The following ERN2 variants were observed in gnomAD, a reference collection of about 807,000 sequenced individuals.
The protein encoded by ERN2 is endoplasmic reticulum to nucleus signaling 2, also known as serine/threonine-protein kinase/endoribonuclease IRE2.
In ERN2, 111 loss-of-function variants were observed where a neutral mutation model predicts 107.9. The observed-to-expected ratio is 1.03, with a 90% CI of 0.88 to 1.20. The LOEUF (loss-of-function observed/expected upper bound fraction) is 1.20, where lower values mean the gene tolerates loss of function less well. ERN2 is among the 50% of genes most tolerant of loss of function. The pLI is 0.00. For missense variants in ERN2, 1,225 were observed against 1,197.9 expected (o/e 1.02, Z -0.33); for synonymous variants, 524 against 501.7 (o/e 1.04, Z -0.59).
Position 23,695,715 on chromosome 16 carries a change from C to T in ERN2, c.1610+179G>A, listed in dbSNP as rs556694475. 3.6e-4 allele frequency among the ~76,000 whole-genome samples: 31 copies of T among 86,208 alleles called. No homozygotes were observed. The South Asian group carries it at 0.011, about 31-fold the overall frequency. 56.6% of individuals were successfully genotyped at this position (86,208 alleles called of 152,430 possible). A position where few individuals can be genotyped will look rare whatever the true frequency, so the allele number is the denominator to read the frequency against. On this transcript the variant is annotated intron_variant, in intron 14 of 21. Transcript: ENST00000256797. ...CTGCCCTCCAGCCTGGGCAACAGAG[C>T]AAGACTCAAAAAAAAAAAAAAAAAA...
At chr16:23,712,991 G>A in intron 1 of ERN2, 104 bp downstream of exon 1, 1 of 843,388 alleles carries the variant, frequency 1.2e-6, no homozygotes, top group South Asian at 1.9e-5. Flanking sequence ...GAGGGAGGGA[G>A]AGGTGCCCCC....
In ERN2 at chr16:23,706,857, C is replaced by T; in HGVS notation, c.384G>A (p.Arg128=). The change falls in exon 6 of 22, where the codon CGG becomes CGA. Residue 128 remains arginine, a synonymous_variant. Transcript: ENST00000256797. The part of the protein sequence containing the change: ...RSSDGVFYTG[R]KQDAWFVVDP... Reference sequence around the variant, plus strand: ...CCACCACAAACCAGGCATCCTGCTTCCGGCCTGTGGAGGTGGAAAGTGTGT... The same window carrying T: ...CCACCACAAACCAGGCATCCTGCTTTCGGCCTGTGGAGGTGGAAAGTGTGT... 6.2e-7 allele frequency: 1 copy of T among 1,613,600 alleles called. No homozygotes were observed.
chr16:23,708,151 C>A (rs1420485721), intron 4 of ERN2, among the ~76,000 whole-genome samples: 1 of 152,092 alleles, frequency 6.6e-6, no homozygotes, highest in Non-Finnish European at 1.5e-5. Flanking sequence ...GCTGTGGTAG[C>A]TGCTCCCTCC....
chr16:23,699,544 C>T (rs1173356606), intron 13 of ERN2, among the ~76,000 whole-genome samples: 2 of 152,138 alleles, frequency 1.3e-5, no homozygotes, highest in Non-Finnish European at 2.9e-5. Context: ...CTGCCTTAGC[C>T]TTCTGAGTAG....
chr16:23,711,382 G>C (rs1048113624), intron 1 of ERN2, among the ~76,000 whole-genome samples: 7 of 152,090 alleles, frequency 4.6e-5, no homozygotes, highest in African/African-American at 1.7e-4. Context: ...TATAAGACAG[G>C]GTCTTGCTCT....
chr16:23,701,019 C>G lies in ERN2; in HGVS notation c.1299G>C (p.Leu433=). 1 of 1,614,188 alleles carries G rather than the reference C, an allele frequency of 6.2e-7. No individual in the cohort carries two copies. Among genetic ancestry groups the G allele is most frequent in the African/African-American group, 1.3e-5 (1 of 75,058 alleles). The stretch of plus-strand genomic sequence containing the variant: ...GGACAGCAGTGAGGCTAGCTGCCAG[C>G]AGGTCTTGGGGTCCCAGCCCCAAGT... ...DSYLGLGPQD[L]LAASLTAVLL... Residue 433 remains leucine, a synonymous_variant, in exon 12 of 22, where the codon CTG becomes CTC. Coordinates refer to ENST00000256797, the MANE Select transcript of ERN2 (RefSeq NM_033266.4).
intron 13 of ERN2, 119 bp from the exon 14 acceptor site, chr16:23,696,097 C>A: frequency 2.7e-6 from 2 of 728,660 alleles, no homozygotes; most frequent in African/African-American, 1.7e-5. Context: ...CAGCCTGGTG[C>A]AGTGGGTAAG....
intron 6 of ERN2, 104 bp downstream of exon 6, chr16:23,706,650 C>T: frequency 1.2e-6 from 1 of 857,556 alleles, no homozygotes; most frequent in Non-Finnish European, 1.9e-6. Flanking sequence ...TGATGACTAA[C>T]AGACTGACTG....
At chr16:23,712,855 C>G (rs1459336273) in intron 1 of ERN2, 16 of 500,552 alleles carry the variant, frequency 3.2e-5, no homozygotes, top group Non-Finnish European at 4.9e-5. Context: ...GCGGGGTGCT[C>G]TGTCTACTCT....
chr16:23,695,707 C>A (rs1361583899), intron 14 of ERN2, among the ~76,000 whole-genome samples, 187 bp downstream of exon 14: 1 of 109,414 alleles, frequency 9.1e-6, no homozygotes, highest in Admixed American at 1.4e-4. Context: ...CCAGCCTGGG[C>A]AACAGAGCAA....
chr16:23,702,502 G>A lies in ERN2; in HGVS notation c.969C>T (p.Pro323=), dbSNP rs774252779. The change falls in exon 10 of 22, where the codon CCC becomes CCT. Residue 323 remains proline, a synonymous_variant. Coordinates refer to ENST00000256797, the MANE Select transcript of ERN2 (RefSeq NM_033266.4). ...RGLTLAPADG[P]TTDEVTLQVS... The stretch of plus-strand genomic sequence containing the variant: ...CTTGGAGTGTCACCTCATCTGTGGT[G>A]GGGCCATCTGCGGGGGCCAGGGTCA... 3.7e-6 allele frequency: 6 copies of A among 1,613,828 alleles called. No individual in the cohort carries two copies. Among genetic ancestry groups the A allele is most frequent in the Non-Finnish European group, 4.2e-6 (5 of 1,180,020 alleles).
chr16:23,707,386 C>T (rs1335853585), intron 4 of ERN2: 2 of 380,000 alleles, frequency 5.3e-6, no homozygotes, highest in African/African-American at 4.2e-5. Context: ...TCATGTGAGC[C>T]ACTTGCTCTC....
chr16:23,707,740 C>A (rs1424328478), intron 4 of ERN2, among the ~76,000 whole-genome samples: 2 of 151,628 alleles, frequency 1.3e-5, no homozygotes, highest in East Asian at 3.9e-4. Context: ...AACAAACAAA[C>A]AAAAAAAAGC....
At chr16:23,708,943 C>T (rs113940685) in intron 4 of ERN2, among the ~76,000 whole-genome samples, 27 of 152,300 alleles carry the variant, frequency 1.8e-4, no homozygotes, top group African/African-American at 6.3e-4. Context: ...AACTAATATA[C>T]TGCACTATCC....
intron 13 of ERN2, among the ~76,000 whole-genome samples, chr16:23,699,247 A>G (rs1375074163): frequency 6.6e-6 from 1 of 152,198 alleles, no homozygotes; most frequent in Non-Finnish European, 1.5e-5. Context: ...CATTGCGAAC[A>G]GCACTGGAGT....
At chr16:23,706,679 TAGCCAC>T in intron 6 of ERN2, 69 bp downstream of exon 6, 1 of 1,036,878 alleles carries the variant, frequency 9.6e-7, no homozygotes, top group Non-Finnish European at 1.5e-6. Context: ...TCAACTTGGT[TAGCCAC>T]AGCTAGATCT....
rs2141003816 is a variant in ERN2, at chr16:23,692,016, C to T, written c.2323G>A (p.Val775Met). 1 of 1,613,872 alleles carries T rather than the reference C, an allele frequency of 6.2e-7. No homozygotes were observed. Among genetic ancestry groups the T allele is most frequent in the South Asian group, 1.1e-5 (1 of 91,062 alleles). ...CTCCAAAAGAAGGGGTGGGCCAGCA[C>T]CTGGGGGGCAGAGGGGCGTGGCTGC... ...LPQPRPSAPQ[V>M]LAHPFFWSRA... Residue 775 changes from valine to methionine, a missense_variant, in exon 19 of 22, where the codon GTG becomes ATG. Physicochemically the swap from Val to Met is conservative, Grantham distance 21. Transcript: ENST00000256797.
In ERN2 at chr16:23,694,844, C is replaced by G. The variant is rs780549482; in HGVS notation, c.1984G>C (p.Gly662Arg). 9.9e-6 allele frequency: 16 copies of G among 1,614,038 alleles called. 1 individual carries two copies. The highest frequency in any genetic ancestry group is 1.3e-5 in the African/African-American group (1 of 74,924). Residue 662 changes from glycine to arginine, a missense_variant, in exon 17 of 22, where the codon GGC becomes CGC. By Grantham distance (125) the Gly-to-Arg change is moderately radical (BLOSUM62 -2). Transcript: ENST00000256797. The stretch of plus-strand genomic sequence containing the variant: ...CCAGCAGGCAGCTTCTTGCAGAGGC[C>G]GAAGTCTGAGAGCACCACTCTGCCC... The part of the protein sequence containing the change: ...GLGRVVLSDF[G>R]LCKKLPAGRC...
chr16:23,691,922 CT>C (rs1325705810), intron 19 of ERN2, 40 bp downstream of exon 19: 1 of 1,599,184 alleles, frequency 6.3e-7, no homozygotes, highest in Non-Finnish European at 8.5e-7. Flanking sequence ...AGGACCCAAA[CT>C]TAGGACTTTT....
Sources: gnomAD v4.1 joint callset for allele counts (sites outside exome capture counted in the v4.1 genomes callset) on GRCh38, gnomAD v4.1.1 for gene constraint, MANE v1.5 for transcripts, NCBI Gene and HGNC (gene_info 2026-07-23, HGNC 2026-07-21) for gene names.